Variants in MTA1 observed in about 807,000 individuals in gnomAD.
MTA1 encodes the protein metastasis-associated protein MTA1.
MTA1 carries 15 observed loss-of-function variants against 97.0 expected under a neutral mutation model. The observed-to-expected ratio is 0.15, with a 90% confidence interval of 0.10 to 0.24. The LOEUF is 0.24. MTA1 is among the 10% of genes least tolerant of loss of function. The pLI, the probability that MTA1 is intolerant of heterozygous loss-of-function variation, is 1.00. For synonymous variants in MTA1, 435 were observed against 417.5 expected, an observed-to-expected ratio of 1.04 and a Z score of -0.51; for missense variants, 709 against 1,015.1, an observed-to-expected ratio of 0.70 and a Z score of 4.10.
At chr14:105,437,033 C>T (rs914102098) in intron 1 of MTA1, among the ~76,000 whole-genome samples, 5 of 152,232 alleles carry the variant, frequency 3.3e-5, no homozygotes, top group East Asian at 3.9e-4. Flanking sequence ...CCCCGGGCAC[C>T]GTGGCTGTGT....
At chr14:105,433,494 ACCT>A (rs1262490019) in intron 1 of MTA1, among the ~76,000 whole-genome samples, 4 of 152,100 alleles carry the variant, frequency 2.6e-5, no homozygotes, top group Non-Finnish European at 5.9e-5. Flanking sequence ...CTCCGAGGTG[ACCT>A]CCTAGGAGCA....
At chr14:105,467,809 G>A (rs1357121893) in intron 18 of MTA1, 2 of 265,204 alleles carry the variant, frequency 7.5e-6, no homozygotes, top group African/African-American at 2.3e-5. Flanking sequence ...AGCCCCATAA[G>A]AGCTGGTAGA....
chr14:105,445,340 G>A lies in MTA1; in HGVS notation c.97-78G>A, dbSNP rs1047476847. The A allele has an allele frequency of 9.6e-5, 132 of 1,369,364 alleles. No homozygotes were observed. The African/African-American group carries it at 1.6e-3, about 16-fold the overall frequency. The allele number at this position is 1,369,364 out of a possible 1,614,324, so 84.8% of individuals were successfully genotyped here. On this transcript the variant is annotated intron_variant, in intron 2 of 20. Coordinates refer to ENST00000331320, the MANE Select transcript of MTA1 (RefSeq NM_004689.4). ...CTGCAGTCCCTGGACGGCAGGGTCC[G>A]GCCTTGGAGCCCCTCCTGGGAGCTG... is the stretch of plus-strand genomic sequence containing the variant.
At chr14:105,429,429 GCACC>G (rs1555422924) in intron 1 of MTA1, among the ~76,000 whole-genome samples, 9 of 150,276 alleles carry the variant, frequency 6.0e-5, no homozygotes, top group Admixed American at 4.7e-4. Flanking sequence ...GGGACTACAG[GCACC>G]CACCACCACA....
intron 10 of MTA1, among the ~76,000 whole-genome samples, chr14:105,462,666 C>T (rs587626280): frequency 3.0e-4 from 46 of 151,996 alleles, no homozygotes; most frequent in African/African-American, 8.9e-4. Flanking sequence ...GTCAGGAGTT[C>T]GAGACCGGCC....
chr14:105,431,261 C>G (rs587601496), intron 1 of MTA1, among the ~76,000 whole-genome samples: 135 of 152,314 alleles, frequency 8.9e-4, no homozygotes, highest in African/African-American at 3.2e-3. Context: ...CCAGGTTTCA[C>G]CATATTGGCC....
chr14:105,447,570 T>C (rs967098755), intron 3 of MTA1, among the ~76,000 whole-genome samples: 1 of 152,176 alleles, frequency 6.6e-6, no homozygotes, highest in Non-Finnish European at 1.5e-5. Context: ...TCGTTGGGGC[T>C]GATAGGACTG....
chr14:105,438,063 T>A (rs2082386825), intron 1 of MTA1, among the ~76,000 whole-genome samples: 2 of 152,206 alleles, frequency 1.3e-5, no homozygotes, highest in Non-Finnish European at 1.5e-5. Context: ...TGAGCTCTGG[T>A]GAGCTCTGGT....
At position 105,450,109 on chromosome 14, in the gene MTA1, A is replaced by G; in HGVS notation, c.293A>G (p.Lys98Arg). The G allele has an allele frequency of 6.2e-7, 1 of 1,613,384 alleles. No individual in the cohort carries two copies. Among genetic ancestry groups the G allele is most frequent in the Middle Eastern group, 1.7e-4 (1 of 6,058 alleles). ...ENPEMVDLPE[K>R]LKHQLRHREL... ...CCGGAAATGGTGGACCTGCCCGAGAAACTAAAGCACCAGCTGCGGCATCGG... is the reference window on the plus strand; with the variant it reads ...CCGGAAATGGTGGACCTGCCCGAGAGACTAAAGCACCAGCTGCGGCATCGG... The change falls in exon 5 of 21, where the codon AAA (lysine) becomes AGA (arginine). Residue 98 changes from lysine to arginine, a missense_variant. Coordinates refer to ENST00000331320, the MANE Select transcript of MTA1 (RefSeq NM_004689.4).
At chr14:105,434,237 T>A (rs1232121600) in intron 1 of MTA1, among the ~76,000 whole-genome samples, 4 of 152,194 alleles carry the variant, frequency 2.6e-5, no homozygotes, top group Admixed American at 2.0e-4. Context: ...TGGACCTTTA[T>A]AGGAAGCTCA....
At chr14:105,426,312 T>C (rs1225965201) in intron 1 of MTA1, among the ~76,000 whole-genome samples, 12 of 141,788 alleles carry the variant, frequency 8.5e-5, no homozygotes, top group Non-Finnish European at 1.5e-4. Context: ...CCATGGATGT[T>C]GCAGTGAGCC....
Position 105,422,672 on chromosome 14 carries a change from A to G in MTA1, c.28+2609A>G, listed in dbSNP as rs1001475506. Among the ~76,000 whole-genome samples the G allele has an allele frequency of 3.3e-5, 5 of 152,232 alleles. No individual in the cohort carries two copies. The highest frequency in any genetic ancestry group is 2.1e-4 in the South Asian group (1 of 4,834). Reference sequence around the variant, plus strand: ...TTGTCCCAGAAGATTCTTATCTGACATTCACAGTTATCTGGGCAACCCGTA... The same window carrying G: ...TTGTCCCAGAAGATTCTTATCTGACGTTCACAGTTATCTGGGCAACCCGTA... On this transcript the variant is annotated intron_variant, in intron 1 of 20. Transcript: ENST00000331320. This position sits in a 1 kb window ranked among gnomAD's most constrained non-coding sequence, Gnocchi z 4.3.
chr14:105,440,917 A>T (rs1345082036), intron 2 of MTA1, among the ~76,000 whole-genome samples: 1 of 152,088 alleles, frequency 6.6e-6, no homozygotes, highest in Admixed American at 6.5e-5. Context: ...CTCAAATAAC[A>T]AGAAAGTGGT....
chr14:105,458,198 C>A, intron 7 of MTA1, 72 bp from the exon 8 acceptor site: 1 of 1,339,382 alleles, frequency 7.5e-7, no homozygotes, highest in Non-Finnish European at 1.1e-6. Flanking sequence ...GCTCCCCGCA[C>A]CCGGGGAGGA....
At chr14:105,456,312 C>G (rs587774270) in intron 7 of MTA1, among the ~76,000 whole-genome samples, 73 of 152,370 alleles carry the variant, frequency 4.8e-4, no homozygotes, top group African/African-American at 1.7e-3. Flanking sequence ...TACCTTCAGC[C>G]TGGGGCCAGT....
intron 3 of MTA1, among the ~76,000 whole-genome samples, chr14:105,446,539 G>C (rs2082724508): frequency 6.6e-6 from 1 of 152,176 alleles, no homozygotes; most frequent in Non-Finnish European, 1.5e-5. Flanking sequence ...GTGGGTGAGG[G>C]GCAGGAAGTC....
chr14:105,464,057 A>G lies in MTA1; in HGVS notation c.1102A>G (p.Ser368Gly), dbSNP rs781997581. The G allele has an allele frequency of 1.9e-6, 3 of 1,612,432 alleles. No individual in the cohort carries two copies. The highest frequency in any genetic ancestry group is 2.5e-6 in the Non-Finnish European group (3 of 1,179,778). ...NYNKPNPNQI[S>G]VNNVKAGVVN... ...TAACAAGCCAAATCCGAACCAAATCAGCGTCAACAACGTCAAGGCCGGTGT... is the reference window on the plus strand; with the variant it reads ...TAACAAGCCAAATCCGAACCAAATCGGCGTCAACAACGTCAAGGCCGGTGT... The change falls in exon 13 of 21, where the codon AGC becomes GGC. Residue 368 changes from serine (S) to glycine (G), a missense_variant. Around this residue, in one of 2 missense-constraint regions of MTA1, gnomAD observed 321 missense variants for 593.5 expected, o/e 0.54. Transcript: ENST00000331320.
At chr14:105,432,310 G>A (rs964772000) in intron 1 of MTA1, among the ~76,000 whole-genome samples, 64 of 152,024 alleles carry the variant, frequency 4.2e-4, no homozygotes, top group African/African-American at 1.5e-3. Flanking sequence ...GCGTGATCTC[G>A]GCTCACCGCA....
chr14:105,457,248 C>T (rs1474259458), intron 7 of MTA1, among the ~76,000 whole-genome samples: 2 of 152,226 alleles, frequency 1.3e-5, no homozygotes, highest in Non-Finnish European at 2.9e-5. Context: ...GAGTCAGGCT[C>T]AGCCATGCTC....
Sources: allele counts gnomAD v4.1 joint callset (sites outside exome capture counted in the v4.1 genomes callset), GRCh38; gene constraint gnomAD v4.1.1; regional missense constraint gnomAD v4.1.1; non-coding constraint Gnocchi (gnomAD v3.1); transcripts MANE v1.5; gene names NCBI Gene and HGNC (gene_info 2026-07-23, HGNC 2026-07-21).